The following ZBTB16 variants were observed in gnomAD, a reference collection of about 807,000 sequenced individuals.
ZBTB16 encodes zinc finger and BTB domain-containing protein 16.
ZBTB16 carries 8 observed loss-of-function variants against 56.8 expected under a neutral mutation model. The observed-to-expected ratio is 0.14, with a 90% CI of 0.08 to 0.25. ZBTB16 has a LOEUF of 0.25. Ranked by LOEUF, ZBTB16 falls within the 10% of genes least tolerant of loss-of-function variation. The pLI, the probability that ZBTB16 is intolerant of heterozygous loss-of-function variation, is 1.00. For missense variants in ZBTB16, 625 were observed against 903.0 expected (o/e 0.69, Z 3.95); for synonymous variants, 363 against 368.5 (o/e 0.98, Z 0.17).
chr11:114,163,895 A>G (rs1174095429), intron 3 of ZBTB16, among the ~76,000 whole-genome samples: 1 of 152,038 alleles, frequency 6.6e-6, no homozygotes, highest in Non-Finnish European at 1.5e-5. Context: ...AATACTGCTA[A>G]TGTTTATCGT....
intron 2 of ZBTB16, among the ~76,000 whole-genome samples, chr11:114,087,921 C>G (rs1051727600): frequency 2.0e-5 from 3 of 152,160 alleles, no homozygotes; most frequent in Non-Finnish European, 2.9e-5. Flanking sequence ...GGCAACTCAG[C>G]AGATGCTGCT....
At chr11:114,118,425 C>T (rs1415394202) in intron 2 of ZBTB16, among the ~76,000 whole-genome samples, 4 of 152,154 alleles carry the variant, frequency 2.6e-5, no homozygotes, top group African/African-American at 9.7e-5. Context: ...GATCTGCTTG[C>T]CTCACCTCCC....
intron 3 of ZBTB16, among the ~76,000 whole-genome samples, chr11:114,172,662 A>G (rs996109345): frequency 2.6e-5 from 4 of 152,174 alleles, no homozygotes; most frequent in African/African-American, 9.7e-5. Context: ...CTCACCCTGA[A>G]GCTTTGGAAG....
At chr11:114,226,889 A>G (rs1270110876) in intron 4 of ZBTB16, among the ~76,000 whole-genome samples, 1 of 152,082 alleles carries the variant, frequency 6.6e-6, no homozygotes, top group Non-Finnish European at 1.5e-5. Context: ...TTTCTTTATC[A>G]TATCATATTC....
chr11:114,220,888 C>T lies in ZBTB16; in HGVS notation c.1454-21279C>T, dbSNP rs372632308. 1.6e-4 allele frequency among the ~76,000 whole-genome samples: 25 copies of T among 152,322 alleles called. No homozygotes were observed. In the East Asian group the frequency reaches 4.6e-3, roughly 28 times the overall value. On this transcript the variant is annotated intron_variant, in intron 4 of 6. Coordinates refer to ENST00000335953, the MANE Select transcript of ZBTB16 (RefSeq NM_006006.6). Reference sequence around the variant, plus strand: ...GTCCTTTATTTCTGTACTTGGGACACTCCACAGATAATGTGGCTTTGAAGC... The same window carrying T: ...GTCCTTTATTTCTGTACTTGGGACATTCCACAGATAATGTGGCTTTGAAGC...
intron 4 of ZBTB16, among the ~76,000 whole-genome samples, chr11:114,218,728 C>T (rs1387891136): frequency 6.6e-6 from 1 of 152,142 alleles, no homozygotes; most frequent in Non-Finnish European, 1.5e-5. Context: ...CTCATGACTG[C>T]AGTAGGTTTT....
chr11:114,082,634 G>A (rs1034266241), intron 2 of ZBTB16, among the ~76,000 whole-genome samples: 6 of 152,036 alleles, frequency 3.9e-5, no homozygotes, highest in African/African-American at 9.7e-5. Flanking sequence ...AGTTTAGTGC[G>A]TGATCATCAG....
intron 2 of ZBTB16, among the ~76,000 whole-genome samples, chr11:114,123,910 A>G (rs1437986901): frequency 6.6e-6 from 1 of 152,208 alleles, no homozygotes; most frequent in Non-Finnish European, 1.5e-5. Flanking sequence ...TGTCACCTCC[A>G]GTGCCAGTGG....
At chr11:114,111,462 G>A (rs903213007) in intron 2 of ZBTB16, among the ~76,000 whole-genome samples, 3 of 152,054 alleles carry the variant, frequency 2.0e-5, no homozygotes, top group Non-Finnish European at 4.4e-5. Context: ...CTAGCGCTGC[G>A]AACCACAAGA....
chr11:114,139,974 C>A (rs558163356), intron 2 of ZBTB16, among the ~76,000 whole-genome samples: 2 of 152,290 alleles, frequency 1.3e-5, no homozygotes, highest in South Asian at 2.1e-4. Context: ...ACTCTGTAAT[C>A]CTCATGCCCC....
chr11:114,122,264 T>C (rs1941366025), intron 2 of ZBTB16, among the ~76,000 whole-genome samples: 2 of 152,196 alleles, frequency 1.3e-5, no homozygotes, highest in Non-Finnish European at 2.9e-5. Context: ...TATCTGGAGC[T>C]TGAGTTGGGC....
intron 2 of ZBTB16, among the ~76,000 whole-genome samples, chr11:114,085,356 A>G (rs1011198203): frequency 4.6e-5 from 7 of 152,226 alleles, no homozygotes; most frequent in African/African-American, 1.7e-4. Context: ...GGCCTTAGCC[A>G]TAGGTATTCA....
chr11:114,198,218 C>T (rs1367497973), intron 4 of ZBTB16, among the ~76,000 whole-genome samples: 1 of 152,084 alleles, frequency 6.6e-6, no homozygotes, highest in Non-Finnish European at 1.5e-5. Context: ...CATTCTGTGC[C>T]AAGGAATTTA....
chr11:114,229,461 T>G (rs919863259), intron 4 of ZBTB16, among the ~76,000 whole-genome samples: 1 of 152,180 alleles, frequency 6.6e-6, no homozygotes, highest in African/African-American at 2.4e-5. Context: ...GTCTCTTTTA[T>G]TTCTCTGTCA....
chr11:114,126,764 A>C (rs1941519928), intron 2 of ZBTB16, among the ~76,000 whole-genome samples: 1 of 152,166 alleles, frequency 6.6e-6, no homozygotes, highest in Non-Finnish European at 1.5e-5. Context: ...GGCCCAGGTC[A>C]CATGACCTTG....
chr11:114,125,883 A>G (rs1034207440), intron 2 of ZBTB16, among the ~76,000 whole-genome samples: 1 of 152,242 alleles, frequency 6.6e-6, no homozygotes, highest in Non-Finnish European at 1.5e-5. Flanking sequence ...TGAAGAGGCA[A>G]CAGAGGGAAC....
At chr11:114,147,140 C>T (rs537437241) in intron 2 of ZBTB16, among the ~76,000 whole-genome samples, 180 of 152,244 alleles carry the variant, frequency 1.2e-3, no homozygotes, top group African/African-American at 4.1e-3. Context: ...AAGAATGAGG[C>T]AATATACATT....
intron 2 of ZBTB16, among the ~76,000 whole-genome samples, chr11:114,146,478 T>C (rs1216669975): frequency 6.6e-6 from 1 of 152,056 alleles, no homozygotes; most frequent in Non-Finnish European, 1.5e-5. Context: ...AGCCACAGGG[T>C]GGTTGAGATG....
At chr11:114,207,377 G>C (rs1943904194) in intron 4 of ZBTB16, among the ~76,000 whole-genome samples, 1 of 152,080 alleles carries the variant, frequency 6.6e-6, no homozygotes, top group Non-Finnish European at 1.5e-5. Context: ...CCAGGGTTTT[G>C]AATTTCCAGA....
Sources: gnomAD v4.1 joint callset for allele counts (sites outside exome capture counted in the v4.1 genomes callset) on GRCh38, gnomAD v4.1.1 for gene constraint, MANE v1.5 for transcripts, NCBI Gene and HGNC (gene_info 2026-07-23, HGNC 2026-07-21) for gene names.